MAPKAP1: variants seen among roughly 807,000 people sequenced by gnomAD.
MAPKAP1 encodes MAPK associated protein 1.
MAPKAP1 carries 20 observed loss-of-function variants against 65.7 expected under a neutral mutation model. That is an observed-to-expected ratio of 0.30 (90% CI 0.21 to 0.44). The LOEUF (loss-of-function observed/expected upper bound fraction) is 0.44, where lower values mean the gene tolerates loss of function less well. Ranked by LOEUF, MAPKAP1 falls within the 20% of genes least tolerant of loss-of-function variation. The pLI is 1.00. For synonymous variants in MAPKAP1, 222 were observed against 244.3 expected, an observed-to-expected ratio of 0.91 and a Z score of 0.85; for missense variants, 423 against 648.0, an observed-to-expected ratio of 0.65 and a Z score of 3.77.
chr9:125,452,176 G>A (rs999535427), intron 10 of MAPKAP1, among the ~76,000 whole-genome samples: 9 of 151,672 alleles, frequency 5.9e-5, no homozygotes, highest in Admixed American at 2.0e-4. Flanking sequence ...TGGGCTCACT[G>A]CAATCTCTGT....
intron 1 of MAPKAP1, among the ~76,000 whole-genome samples, chr9:125,679,604 G>C (rs923906207): frequency 6.6e-6 from 1 of 152,048 alleles, no homozygotes; most frequent in African/African-American, 2.4e-5. Context: ...TTACGTCTAA[G>C]GAATATTTTT....
chr9:125,565,325 G>A (rs1198321990), intron 5 of MAPKAP1: 3 of 154,518 alleles, frequency 1.9e-5, no homozygotes, highest in African/African-American at 4.8e-5. Context: ...ATTCCAGGAG[G>A]CATCCCAGAT....
At chr9:125,555,262 C>A (rs926113363) in intron 6 of MAPKAP1, among the ~76,000 whole-genome samples, 1 of 152,144 alleles carries the variant, frequency 6.6e-6, no homozygotes, top group African/African-American at 2.4e-5. Context: ...GAGTTCTGTA[C>A]ATAACTTACA....
chr9:125,648,017 G>C (rs949928204), intron 4 of MAPKAP1, among the ~76,000 whole-genome samples: 2 of 149,908 alleles, frequency 1.3e-5, no homozygotes, highest in East Asian at 3.9e-4. Context: ...CTGATAAAAA[G>C]ATCTGAAGCA....
intron 7 of MAPKAP1, among the ~76,000 whole-genome samples, chr9:125,536,846 G>A (rs887075504): frequency 2.0e-4 from 31 of 152,124 alleles, no homozygotes. Context: ...AATATATATG[G>A]GTTTCCCTTT....
intron 7 of MAPKAP1, among the ~76,000 whole-genome samples, chr9:125,508,161 G>T (rs1680837441): frequency 1.3e-5 from 2 of 152,110 alleles, no homozygotes; most frequent in African/African-American, 4.8e-5. Flanking sequence ...GAGAATCCCT[G>T]TGTCTCTTGG....
At chr9:125,660,603 T>A (rs1011948014) in intron 3 of MAPKAP1, among the ~76,000 whole-genome samples, 1 of 152,162 alleles carries the variant, frequency 6.6e-6, no homozygotes, top group African/African-American at 2.4e-5. Flanking sequence ...TACCTATCCA[T>A]AACCAAACTC....
In MAPKAP1 at chr9:125,439,242, C is replaced by T. The variant is rs909962275; in HGVS notation, c.1444-230G>A. ...GGAGAAGCCAAGTGGCCAGTCCAGG[C>T]TTCCCAGTCAGTGAGCGGCGAGCTC... On this transcript the variant is annotated intron_variant, in intron 11 of 11. Transcript: ENST00000265960. This position sits in a 1 kb window ranked among gnomAD's most constrained non-coding sequence, Gnocchi z 4.0. Among the ~76,000 whole-genome samples the T allele has an allele frequency of 6.6e-6, 1 of 152,254 alleles. No homozygotes were observed. Among genetic ancestry groups the T allele is most frequent in the Non-Finnish European group, 1.5e-5 (1 of 68,042 alleles).
At chr9:125,618,583 C>G (rs990788462) in intron 4 of MAPKAP1, among the ~76,000 whole-genome samples, 2 of 151,910 alleles carry the variant, frequency 1.3e-5, no homozygotes, top group African/African-American at 4.8e-5. Context: ...TATTGTAAAG[C>G]ACTAATTATT....
chr9:125,541,178 G>C (rs533144327), intron 7 of MAPKAP1, among the ~76,000 whole-genome samples: 25 of 152,324 alleles, frequency 1.6e-4, no homozygotes, highest in Non-Finnish European at 3.1e-4. Flanking sequence ...CAAAGACTCT[G>C]ATGGAAAAGG....
At chr9:125,598,971 C>A (rs148741090) in intron 4 of MAPKAP1, among the ~76,000 whole-genome samples, 1 of 147,992 alleles carries the variant, frequency 6.8e-6, no homozygotes. Flanking sequence ...ACCCAGGAGG[C>A]GGAGGTTACA....
intron 10 of MAPKAP1, among the ~76,000 whole-genome samples, chr9:125,449,001 T>A (rs1462978533): frequency 8.7e-6 from 1 of 114,418 alleles, no homozygotes; most frequent in South Asian, 2.9e-4. Flanking sequence ...CGAGACTCTG[T>A]CTCAAAAAAA....
chr9:125,475,222 G>T (rs917547006), intron 9 of MAPKAP1, among the ~76,000 whole-genome samples: 1 of 152,062 alleles, frequency 6.6e-6, no homozygotes, highest in African/African-American at 2.4e-5. Flanking sequence ...ACCAGGCCAG[G>T]GCTTAAACAG....
intron 6 of MAPKAP1, among the ~76,000 whole-genome samples, chr9:125,549,223 A>G (rs1224541572): frequency 2.0e-5 from 3 of 152,242 alleles, no homozygotes; most frequent in African/African-American, 7.2e-5. Context: ...CAAAAGCCAC[A>G]GTCTCAGTTT....
chr9:125,550,918 C>A (rs527429695), intron 6 of MAPKAP1, among the ~76,000 whole-genome samples: 2 of 152,204 alleles, frequency 1.3e-5, no homozygotes, highest in African/African-American at 2.4e-5. Flanking sequence ...ACAAAGAACA[C>A]AAGCATCTTC....
intron 11 of MAPKAP1, among the ~76,000 whole-genome samples, chr9:125,443,393 C>T (rs1852566933): frequency 6.6e-6 from 1 of 152,138 alleles, no homozygotes; most frequent in South Asian, 2.1e-4. Context: ...CTCTGGTCCT[C>T]GCCCCTGCTC....
rs1238189719 is a variant in MAPKAP1, at chr9:125,603,372, GAGGAAAATA to G, written c.499-17654_499-17646del. On this transcript the variant is annotated intron_variant, in intron 4 of 11. Coordinates refer to ENST00000265960, the MANE Select transcript of MAPKAP1 (RefSeq NM_001006617.3). ...CAATTGTGCTCTAATAATGACAAAA[GAGGAAAATA>G]ACAATGTGGTCCTTGGAGAGATGGG... 5.0e-4 allele frequency among the ~76,000 whole-genome samples: 74 copies of G among 148,092 alleles called. No homozygotes were observed. In the South Asian group the frequency reaches 0.016, roughly 32 times the overall value.
At chr9:125,661,081 T>C (rs549145338) in intron 3 of MAPKAP1, among the ~76,000 whole-genome samples, 32 of 152,226 alleles carry the variant, frequency 2.1e-4, no homozygotes, top group African/African-American at 4.3e-4. Context: ...ATATGAAATG[T>C]TCACAGAAAA....
At chr9:125,532,783 T>A (rs1278990450) in intron 7 of MAPKAP1, among the ~76,000 whole-genome samples, 1 of 152,218 alleles carries the variant, frequency 6.6e-6, no homozygotes, top group Non-Finnish European at 1.5e-5. Flanking sequence ...GGGGTAACAA[T>A]GTTTTTGTCT....
Sources: gnomAD v4.1 joint callset for allele counts (sites outside exome capture counted in the v4.1 genomes callset) on GRCh38, gnomAD v4.1.1 for gene constraint, Gnocchi (gnomAD v3.1) non-coding constraint, MANE v1.5 for transcripts, NCBI Gene and HGNC (gene_info 2026-07-23, HGNC 2026-07-21) for gene names.